The following VWCE variants were observed in gnomAD, a reference collection of about 807,000 sequenced individuals.
The protein encoded by VWCE is von Willebrand factor C and EGF domain-containing protein.
Under a neutral mutation model 102.9 loss-of-function variants are expected in VWCE, and 68 were observed. That is an observed-to-expected ratio of 0.66 (90% CI 0.54 to 0.81). The LOEUF is 0.81. Among genes scored for constraint, VWCE ranks in the 30% least tolerant of loss-of-function variants. VWCE has a pLI of 0.00. For missense variants in VWCE, 1,137 were observed against 1,263.6 expected, an observed-to-expected ratio of 0.90 and a Z score of 1.52; for synonymous variants, 497 against 515.4, an observed-to-expected ratio of 0.96 and a Z score of 0.48.
intron 18 of VWCE, 50 bp downstream of exon 18, chr11:61,264,906 A>T (rs969885560): frequency 1.3e-6 from 2 of 1,599,712 alleles, no homozygotes; most frequent in Non-Finnish European, 1.7e-6. Context: ...ACAAAAGGCA[A>T]GAAGCTGCCC....
intron 14 of VWCE, chr11:61,271,408 G>A (rs988935503): frequency 8.7e-6 from 3 of 345,214 alleles, no homozygotes; most frequent in East Asian, 1.3e-4. Flanking sequence ...GCCTCCCAAA[G>A]TGCTGGGATT....
Position 61,281,766 on chromosome 11 carries a change from T to G in VWCE, c.787+20A>C, listed in dbSNP as rs1855144549. ...GAGGGGGCGTGGCCAGCCGCCGGGATGGAGGGGCCTGGCGCTCACCTTCAC... is the reference window on the plus strand; with the variant it reads ...GAGGGGGCGTGGCCAGCCGCCGGGAGGGAGGGGCCTGGCGCTCACCTTCAC... On this transcript the variant is annotated intron_variant, in intron 7 of 19. Transcript: ENST00000335613. 1.3e-6 allele frequency: 2 copies of G among 1,596,840 alleles called. No homozygotes were observed. Among genetic ancestry groups the G allele is most frequent in the Non-Finnish European group, 1.7e-6 (2 of 1,169,384 alleles).
At position 61,259,149 on chromosome 11, in the gene VWCE, G is replaced by T; in HGVS notation, c.2394C>A (p.Leu798=). 1 of 1,614,190 alleles carries T rather than the reference G, an allele frequency of 6.2e-7. No individual in the cohort carries two copies. Among genetic ancestry groups the T allele is most frequent in the Non-Finnish European group, 8.5e-7 (1 of 1,180,024 alleles). Reference sequence around the variant, plus strand: ...AGTTCGTTCTTAAAAGGAGCTGGAGGAGATGAAGCACCGGCCTCGAGGGTG... The same window carrying T: ...AGTTCGTTCTTAAAAGGAGCTGGAGTAGATGAAGCACCGGCCTCGAGGGTG... ...TASPSRPVLH[L]LQLLLRTNLM... The change falls in exon 20 of 20, where the codon CTC becomes CTA. Residue 798 remains leucine, a synonymous_variant. Coordinates refer to ENST00000335613, the MANE Select transcript of VWCE (RefSeq NM_152718.2).
At position 61,268,943 on chromosome 11, in the gene VWCE, A is replaced by C; in HGVS notation, c.1861T>G (p.Cys621Gly). 2 of 1,614,152 alleles carry C rather than the reference A, an allele frequency of 1.2e-6. No individual in the cohort carries two copies. The highest frequency in any genetic ancestry group is 1.7e-6 in the Non-Finnish European group (2 of 1,180,034). ...TTACCTGCTGAACAGTCTGGGCAGC[A>C]CTGTCCAGGGATCCGGATCGGGTGA... The part of the protein sequence containing the change: ...CPHPIRIPGQ[C>G]CPDCSAGCTY... Residue 621 changes from cysteine (C) to glycine (G), a missense_variant, in exon 15 of 20, where the codon TGC becomes GGC. Physicochemically the swap from Cys to Gly is radical, Grantham distance 159 (BLOSUM62 -3). Coordinates refer to ENST00000335613, the MANE Select transcript of VWCE (RefSeq NM_152718.2).
intron 13 of VWCE, among the ~76,000 whole-genome samples, 179 bp downstream of exon 13, chr11:61,273,016 TACAC>T (rs904986756): frequency 1.3e-5 from 2 of 150,580 alleles, no homozygotes; most frequent in Non-Finnish European, 3.0e-5. Context: ...CACACAAACT[TACAC>T]ACACAGGTAC....
At chr11:61,275,102 G>C (rs957591664) in intron 11 of VWCE, among the ~76,000 whole-genome samples, 70 of 152,048 alleles carry the variant, frequency 4.6e-4, no homozygotes, top group African/African-American at 1.4e-3. Context: ...TGTAAGATGA[G>C]GTCCTCAGCC....
intron 4 of VWCE, among the ~76,000 whole-genome samples, chr11:61,290,227 T>A (rs1028329025): frequency 6.6e-6 from 1 of 152,116 alleles, no homozygotes; most frequent in African/African-American, 2.4e-5. Context: ...AACTCCCTAA[T>A]GGGGCTGGGT....
rs570966591 is a variant in VWCE at position 61,294,584 on chromosome 11, G to T, written c.110+344C>A. ...CCCGGGCAGAGCCACGGGCACGCTG[G>T]GGGGTGAGCCAGCCAGTCCGGAGAC... is the stretch of plus-strand genomic sequence containing the variant. On this transcript the variant is annotated intron_variant, in intron 1 of 19. Transcript: ENST00000335613. This position sits in a 1 kb window ranked among gnomAD's most constrained non-coding sequence, Gnocchi z 6.3. Among the ~76,000 whole-genome samples, 11 of 152,260 alleles carry T rather than the reference G, an allele frequency of 7.2e-5. 1 individual carries two copies. The South Asian group carries it at 1.2e-3, about 17-fold the overall frequency.
chr11:61,294,805 C>A lies in VWCE; in HGVS notation c.110+123G>T. Reference sequence around the variant, plus strand: ...CCCCGAGCTGTGCCCGCGCTGATAGCACCCCAGAGGAAGCCCCGACACGCG... The same window carrying A: ...CCCCGAGCTGTGCCCGCGCTGATAGAACCCCAGAGGAAGCCCCGACACGCG... On this transcript the variant is annotated intron_variant, in intron 1 of 19. Transcript: ENST00000335613. This position sits in a 1 kb window ranked among gnomAD's most constrained non-coding sequence, Gnocchi z 6.3. The A allele has an allele frequency of 1.8e-6, 1 of 565,560 alleles. No individual in the cohort carries two copies. The highest frequency in any genetic ancestry group is 2.8e-6 in the Non-Finnish European group (1 of 363,588). 35.0% of individuals were successfully genotyped at this position (565,560 alleles called of 1,614,324 possible).
At chr11:61,293,966 G>C (rs1054177605) in intron 1 of VWCE, among the ~76,000 whole-genome samples, 2 of 152,208 alleles carry the variant, frequency 1.3e-5, no homozygotes, top group African/African-American at 4.8e-5. Context: ...GCAGCAGCCT[G>C]AGAAGGAGGG....
intron 16 of VWCE, among the ~76,000 whole-genome samples, chr11:61,266,991 C>A (rs754368298): frequency 6.6e-6 from 1 of 152,190 alleles, no homozygotes; most frequent in African/African-American, 2.4e-5. Flanking sequence ...GGCATAGTGG[C>A]TCATGCCTGT....
At chr11:61,281,723 G>A in intron 7 of VWCE, 63 bp downstream of exon 7, 3 of 1,536,644 alleles carry the variant, frequency 2.0e-6, no homozygotes, top group Non-Finnish European at 2.6e-6. Context: ...ATGGGGGGGC[G>A]TAGCTGGGGC....
chr11:61,278,989 A>C (rs1855025078), intron 9 of VWCE, among the ~76,000 whole-genome samples: 1 of 152,154 alleles, frequency 6.6e-6, no homozygotes, highest in East Asian at 1.9e-4. Context: ...CAGTGAGCCG[A>C]GATCGCGCCA....
In VWCE at chr11:61,273,260, T is replaced by C. The variant is rs1176447153; in HGVS notation, c.1638A>G (p.Glu546=). 2 of 1,613,762 alleles carry C rather than the reference T, an allele frequency of 1.2e-6. No homozygotes were observed. Among genetic ancestry groups the C allele is most frequent in the Non-Finnish European group, 1.7e-6 (2 of 1,179,908 alleles). ...MPCPELACPR[E]EWRLGPGQCC... ...ACTGCCCAGGGCCCAGCCGCCACTC[T>C]TCTCGGGGGCAGGCCAGCTCAGGGC... Residue 546 remains glutamate, a synonymous_variant, in exon 13 of 20, where the codon GAA becomes GAG. Coordinates refer to ENST00000335613, the MANE Select transcript of VWCE (RefSeq NM_152718.2).
chr11:61,267,024 G>C (rs964688693), intron 16 of VWCE, among the ~76,000 whole-genome samples: 2 of 152,202 alleles, frequency 1.3e-5, no homozygotes, highest in African/African-American at 4.8e-5. Flanking sequence ...TTGGGAGGCT[G>C]AGGTGGGCAG....
chr11:61,278,545 G>C, intron 9 of VWCE, 69 bp from the exon 10 acceptor site: 1 of 1,388,898 alleles, frequency 7.2e-7, no homozygotes, highest in Non-Finnish European at 1.0e-6. Context: ...AGGTCTCGCT[G>C]CTTCTCCATG....
intron 10 of VWCE, among the ~76,000 whole-genome samples, chr11:61,277,439 C>A (rs1321668753): frequency 2.0e-5 from 3 of 148,262 alleles, no homozygotes; most frequent in Non-Finnish European, 1.5e-5. Flanking sequence ...CGAGACCCTG[C>A]CTCTACAAAA....
rs371290910 is a variant in VWCE, at chr11:61,273,281, A to C, written c.1617T>G (p.Pro539=). Residue 539 remains proline (P), a synonymous_variant, in exon 13 of 20, where the codon CCT becomes CCG. Coordinates refer to ENST00000335613, the MANE Select transcript of VWCE (RefSeq NM_152718.2). Reference sequence around the variant, plus strand: ...ACTCTTCTCGGGGGCAGGCCAGCTCAGGGCAGGGCATGAAGGAGCACTCCA... The same window carrying C: ...ACTCTTCTCGGGGGCAGGCCAGCTCCGGGCAGGGCATGAAGGAGCACTCCA... ...GEVECSFMPC[P]ELACPREEWR... is the part of the protein sequence containing the mutation. The C allele has an allele frequency of 1.2e-6, 2 of 1,613,496 alleles. No homozygotes were observed. The highest frequency in any genetic ancestry group is 2.7e-5 in the African/African-American group (2 of 74,878).
chr11:61,280,793 C>T lies in VWCE; in HGVS notation c.1230G>A (p.Glu410=). The change falls in exon 8 of 20, where the codon GAG becomes GAA. Residue 410 remains glutamate, a splice_region_variant and synonymous_variant. Coordinates refer to ENST00000335613, the MANE Select transcript of VWCE (RefSeq NM_152718.2). ...TEPGCSQCWC[E]DGKVTCEKVR... Reference sequence around the variant, plus strand: ...AGCTCCGGGGACCCCTAGTACCCACCTCGCACCAGCACTGGGAACACCCAG... The same window carrying T: ...AGCTCCGGGGACCCCTAGTACCCACTTCGCACCAGCACTGGGAACACCCAG... 2.5e-6 allele frequency: 4 copies of T among 1,600,782 alleles called. No homozygotes were observed. The highest frequency in any genetic ancestry group is 3.4e-6 in the Non-Finnish European group (4 of 1,173,382).
Sources: allele counts gnomAD v4.1 joint callset (sites outside exome capture counted in the v4.1 genomes callset), GRCh38; gene constraint gnomAD v4.1.1; non-coding constraint Gnocchi (gnomAD v3.1); transcripts MANE v1.5; gene names NCBI Gene and HGNC (gene_info 2026-07-23, HGNC 2026-07-21).